The following STK24 variants were observed in gnomAD, a reference collection of about 807,000 sequenced individuals.
STK24 encodes serine/threonine-protein kinase 24.
STK24 carries 21 observed loss-of-function variants against 55.6 expected under a neutral mutation model. The ratio of observed to expected loss-of-function variants is 0.38; its 90% CI spans 0.27 to 0.54. The LOEUF is 0.54. Ranked by LOEUF, STK24 falls within the 20% of genes least tolerant of loss-of-function variation. The pLI, the probability that STK24 is intolerant of heterozygous loss-of-function variation, is 0.79. For synonymous variants in STK24, 200 were observed against 215.2 expected (o/e 0.93, Z 0.62); for missense variants, 383 against 538.4 (o/e 0.71, Z 2.86).
At chr13:98,494,428 A>AAAAAAAAAAAAAAAAAAAAAAAAAAT (rs58955737) in intron 2 of STK24, among the ~76,000 whole-genome samples, 6 of 148,878 alleles carry the variant, frequency 4.0e-5, no homozygotes, top group Non-Finnish European at 6.0e-5. Flanking sequence ...AAAAAAAAAA[A>AAAAAAAAAAAAAAAAAAAAAAAAAAT]GTGCCTCTAA....
At chr13:98,483,151 C>T (rs1894665317) in intron 2 of STK24, among the ~76,000 whole-genome samples, 1 of 152,244 alleles carries the variant, frequency 6.6e-6, no homozygotes, top group Non-Finnish European at 1.5e-5. Flanking sequence ...GTGCAGGGCA[C>T]GGGGCAGCCT....
At chr13:98,461,054 A>AAAAGAG (rs368896026) in intron 8 of STK24, among the ~76,000 whole-genome samples, 76 of 143,748 alleles carry the variant, frequency 5.3e-4, no homozygotes, top group Middle Eastern at 3.7e-3. Flanking sequence ...AAAAAAAAAA[A>AAAAGAG]AGAGAGAGAG....
intron 10 of STK24, chr13:98,456,285 T>G: frequency 2.8e-6 from 1 of 352,756 alleles, no homozygotes; most frequent in Non-Finnish European, 5.6e-6. Flanking sequence ...AACTTCTTTA[T>G]GTACTGTCAG....
intron 1 of STK24, among the ~76,000 whole-genome samples, chr13:98,551,300 A>T (rs1897155109): frequency 6.6e-6 from 1 of 151,292 alleles, no homozygotes; most frequent in Non-Finnish European, 1.5e-5. Flanking sequence ...AAAAAAAAAA[A>T]TCAAGACTTA....
chr13:98,554,813 G>A (rs1276294623), intron 1 of STK24, among the ~76,000 whole-genome samples: 2 of 152,014 alleles, frequency 1.3e-5, no homozygotes, highest in Non-Finnish European at 2.9e-5. Context: ...TCAGGAGTTC[G>A]AGACTAGCTT....
rs150549871 is a variant in STK24 at position 98,490,569 on chromosome 13, A to G, written c.274-8248T>C. On this transcript the variant is annotated intron_variant, in intron 2 of 10. Transcript: ENST00000539966. ...AAGGGGTGGGGGCAGGACATACAAT[A>G]CTAAGTTGGACTAACGTCCAGGGTC... Among the ~76,000 whole-genome samples the G allele has an allele frequency of 2.0e-5, 3 of 152,268 alleles. No individual in the cohort carries two copies. In the East Asian group the frequency reaches 5.8e-4, roughly 29 times the overall value.
At chr13:98,509,906 T>G (rs1370783868) in intron 2 of STK24, among the ~76,000 whole-genome samples, 1 of 152,232 alleles carries the variant, frequency 6.6e-6, no homozygotes, top group Non-Finnish European at 1.5e-5. Context: ...GACAGAGGAC[T>G]GCCTCCTGCC....
intron 5 of STK24, among the ~76,000 whole-genome samples, chr13:98,468,669 T>TAATGAA (rs1894012925): frequency 1.3e-5 from 2 of 152,238 alleles, no homozygotes; most frequent in African/African-American, 4.8e-5. Flanking sequence ...GCTACTGCTG[T>TAATGAA]TTTCAAAGCA....
At chr13:98,464,553 G>A (rs1367617720) in intron 6 of STK24, among the ~76,000 whole-genome samples, 1 of 141,046 alleles carries the variant, frequency 7.1e-6, no homozygotes, top group African/African-American at 2.6e-5. Flanking sequence ...CTGGAGTGCA[G>A]TGGCACGATT....
rs35957882 is a variant in STK24 at position 98,540,763 on chromosome 13, C to CAAAA, written c.43-21294_43-21291dup. Among the ~76,000 whole-genome samples the CAAAA allele has an allele frequency of 1.4e-3, 82 of 58,870 alleles. 1 individual carries two copies. The highest frequency in any genetic ancestry group is 3.7e-3 in the African/African-American group (59 of 15,824). The allele number at this position is 58,870 out of a possible 152,430, so 38.6% of individuals were successfully genotyped here. A position where few individuals can be genotyped will look rare whatever the true frequency, so the allele number is the denominator to read the frequency against. On this transcript the variant is annotated intron_variant, in intron 1 of 10. Coordinates refer to ENST00000539966, the MANE Select transcript of STK24 (RefSeq NM_001032296.4). ...GAGTGGTTAAGCTAAATATTAAAAG[C>CAAAA]AAAAAAAAAAAAAAAAAAAAGCCAT...
At chr13:98,550,038 G>A (rs188461178) in intron 1 of STK24, among the ~76,000 whole-genome samples, 54 of 152,262 alleles carry the variant, frequency 3.5e-4, no homozygotes, top group Admixed American at 9.2e-4. Context: ...CAGGTGGGTC[G>A]TCTGCAGCAT....
intron 2 of STK24, among the ~76,000 whole-genome samples, chr13:98,491,330 G>A (rs542448874): frequency 8.5e-5 from 13 of 152,310 alleles, no homozygotes; most frequent in Admixed American, 2.6e-4. Context: ...GAAAAGGAGC[G>A]GGGAGGGAGA....
intron 1 of STK24, among the ~76,000 whole-genome samples, chr13:98,564,520 G>A (rs9584865): frequency 6.6e-6 from 1 of 152,148 alleles, no homozygotes; most frequent in Non-Finnish European, 1.5e-5. Flanking sequence ...ACCCAGGGCA[G>A]AGGAGCTGAA....
At chr13:98,572,962 G>A (rs1471730017) in intron 1 of STK24, among the ~76,000 whole-genome samples, 1 of 152,100 alleles carries the variant, frequency 6.6e-6, no homozygotes, top group African/African-American at 2.4e-5. Context: ...CACAAGCACA[G>A]GCTGAGCATC....
intron 2 of STK24, among the ~76,000 whole-genome samples, chr13:98,507,695 A>G (rs1895741534): frequency 6.6e-6 from 1 of 152,176 alleles, no homozygotes; most frequent in African/African-American, 2.4e-5. Flanking sequence ...CCAAAATTAG[A>G]CTACCACACT....
At chr13:98,502,096 C>T (rs1285466815) in intron 2 of STK24, among the ~76,000 whole-genome samples, 2 of 152,168 alleles carry the variant, frequency 1.3e-5, no homozygotes, top group South Asian at 2.1e-4. Context: ...GCCTCTTGGC[C>T]TCTTGTCCTG....
chr13:98,466,596 C>A, intron 5 of STK24, 35 bp from the exon 6 acceptor site: 2 of 1,606,388 alleles, frequency 1.2e-6, no homozygotes, highest in Non-Finnish European at 1.7e-6. Context: ...AAACACCAAG[C>A]AGGAATCTAT....
rs112364908 is a variant in STK24, at chr13:98,446,836, C to T, written c.*6337G>A. 21 of 1,613,360 alleles carry T rather than the reference C, an allele frequency of 1.3e-5. No individual in the cohort carries two copies. Among genetic ancestry groups the T allele is most frequent in the Middle Eastern group, 1.6e-4 (1 of 6,062 alleles). On this transcript the variant is annotated 3_prime_UTR_variant, in exon 11 of 11. Coordinates refer to ENST00000539966, the MANE Select transcript of STK24 (RefSeq NM_001032296.4). ...TCGAAAGGTAGACACCCCCTTCCCA[C>T]GCACAGGGCCCTGCAGAAGAGGACC...
At chr13:98,576,694 CT>C (rs2139478987) in intron 1 of STK24, 50 bp downstream of exon 1, 1 of 1,429,746 alleles carries the variant, frequency 7.0e-7, no homozygotes, top group African/African-American at 1.5e-5. Flanking sequence ...CGCCAAGTTG[CT>C]GCTTCCGCCC....
Sources: gnomAD v4.1 joint callset for allele counts (sites outside exome capture counted in the v4.1 genomes callset) on GRCh38, gnomAD v4.1.1 for gene constraint, MANE v1.5 for transcripts, NCBI Gene and HGNC (gene_info 2026-07-23, HGNC 2026-07-21) for gene names.